Variants in PLK4 observed in about 807,000 individuals in gnomAD.
PLK4 encodes serine/threonine-protein kinase PLK4.
A neutral mutation model predicts 103.0 loss-of-function variants in PLK4; 51 were observed. The observed-to-expected ratio is 0.50, with a 90% CI of 0.40 to 0.63. The LOEUF is 0.63. Ranked by LOEUF, PLK4 falls within the 20% of genes least tolerant of loss-of-function variation. PLK4 has a pLI of 0.00. For synonymous variants in PLK4, 389 were observed against 376.8 expected, an observed-to-expected ratio of 1.03 and a Z score of -0.38; for missense variants, 1,054 against 1,151.0, an observed-to-expected ratio of 0.92 and a Z score of 1.22.
chr4:127,893,816 T>C lies in PLK4; in HGVS notation c.2497T>C (p.Ser833Pro). ...DSNYPTRERA[S>P]FNRMVMHSAA... ...AAATTACCCAACGAGAGAGAGAGCA[T>C]CTTTCAACAGAATGGTCATGCATAG... Residue 833 changes from serine (S) to proline (P), a missense_variant, in exon 13 of 16, where the codon TCT becomes CCT. By Grantham distance (74) the Ser-to-Pro change is moderately conservative (BLOSUM62 -1). Transcript: ENST00000270861. 1 of 1,613,200 alleles carries C rather than the reference T, an allele frequency of 6.2e-7. No homozygotes were observed. The highest frequency in any genetic ancestry group is 1.1e-5 in the South Asian group (1 of 91,048).
intron 6 of PLK4, among the ~76,000 whole-genome samples, chr4:127,888,008 C>T (rs1019971912): frequency 6.6e-6 from 1 of 150,522 alleles, no homozygotes; most frequent in Non-Finnish European, 1.5e-5. Flanking sequence ...GGTGAAACCC[C>T]GTCTCTACTA....
In PLK4 at chr4:127,890,174, A is replaced by G. The variant is rs1209090179; in HGVS notation, c.1768A>G (p.Ile590Val). The G allele has an allele frequency of 1.9e-6, 3 of 1,613,666 alleles. No homozygotes were observed. Among genetic ancestry groups the G allele is most frequent in the Middle Eastern group, 1.6e-4 (1 of 6,080 alleles). The change falls in exon 7 of 16, where the codon ATT (isoleucine) becomes GTT (valine). Residue 590 changes from isoleucine (I) to valine (V), a missense_variant. Coordinates refer to ENST00000270861, the MANE Select transcript of PLK4 (RefSeq NM_014264.5). ...WGYQNRTLRSITSPLVAHRLK... is the reference protein window; with the variant it reads ...WGYQNRTLRSVTSPLVAHRLK... ...TTATCAGAATCGTACATTAAGAAGC[A>G]TTACATCTCCGTTGGTTGCTCACAG...
Position 127,891,559 on chromosome 4 carries a change from T to A in PLK4, c.1936-20T>A. 1 of 1,210,302 alleles carries A rather than the reference T, an allele frequency of 8.3e-7. No homozygotes were observed. The highest frequency in any genetic ancestry group is 1.2e-6 in the Non-Finnish European group (1 of 858,382). The allele number at this position is 1,210,302 out of a possible 1,614,324, so 75.0% of individuals were successfully genotyped here. ...AACTTAATGGCATGTAATTAGAATT[T>A]TAAAAAAATCTTTTGGCAGATCACT... On this transcript the variant is annotated intron_variant, in intron 8 of 15. Transcript: ENST00000270861.
At chr4:127,895,165 A>T (rs191408673) in intron 14 of PLK4, 72 bp downstream of exon 14, 1 of 990,126 alleles carries the variant, frequency 1.0e-6, no homozygotes, top group Non-Finnish European at 1.4e-6. Flanking sequence ...TAAGACAATT[A>T]CCAAAAAATA....
Position 127,898,598 on chromosome 4 carries a change from G to A in PLK4, c.*57G>A, listed in dbSNP as rs1560704013. 4 of 828,440 alleles carry A rather than the reference G, an allele frequency of 4.8e-6. No individual in the cohort carries two copies. The East Asian group carries it at 1.0e-4, about 21-fold the overall frequency. The allele number at this position is 828,440 out of a possible 1,614,324, so 51.3% of individuals were successfully genotyped here. A position where few individuals can be genotyped will look rare whatever the true frequency, so the allele number is the denominator to read the frequency against. On this transcript the variant is annotated 3_prime_UTR_variant, in exon 16 of 16. Transcript: ENST00000270861. ...AAATAACTTTTTTGTTGACTTTCAA[G>A]TAAAGTGATTTTTTTTAATTTAACA...
At chr4:127,884,790 A>T (rs1173659812) in intron 4 of PLK4, among the ~76,000 whole-genome samples, 1 of 151,962 alleles carries the variant, frequency 6.6e-6, no homozygotes, top group African/African-American at 2.4e-5. Flanking sequence ...TACAAAAAAA[A>T]TTAGCTCGGT....
chr4:127,891,881 T>C, intron 9 of PLK4, 200 bp downstream of exon 9: 1 of 314,004 alleles, frequency 3.2e-6, no homozygotes, highest in Non-Finnish European at 5.7e-6. Context: ...ATAATGGTAC[T>C]ATATTCTATT....
chr4:127,894,979 T>C lies in PLK4; in HGVS notation c.2589T>C (p.Leu863=). 6.2e-7 allele frequency: 1 copy of C among 1,605,556 alleles called. No individual in the cohort carries two copies. ...PSMVTNEGLG[L]TTTASGTDIS... ...TGGTTACAAATGAAGGACTTGGTCT[T>C]ACAACTACAGCTTCTGGAACAGACA... Residue 863 remains leucine, a synonymous_variant, in exon 14 of 16, where the codon CTT becomes CTC. Transcript: ENST00000270861.
At chr4:127,882,379 G>A (rs1013800565) in intron 2 of PLK4, among the ~76,000 whole-genome samples, 3 of 152,122 alleles carry the variant, frequency 2.0e-5, no homozygotes, top group Non-Finnish European at 4.4e-5. Context: ...CAACGCTTTG[G>A]GAGGCTGAGG....
At position 127,886,439 on chromosome 4, in the gene PLK4, A is replaced by C. The variant is rs753018035; in HGVS notation, c.1069A>C (p.Arg357=). 2.0e-5 allele frequency: 32 copies of C among 1,613,982 alleles called. No individual in the cohort carries two copies. In the South Asian group the frequency reaches 3.4e-4, roughly 17 times the overall value. The part of the protein sequence containing the change: ...WGNQETSNSG[R]GRVIQDAEER... ...AAATCAAGAAACCAGTAATAGTGGA[A>C]GGGGAAGAGTAATTCAAGATGCAGA... The change falls in exon 5 of 16, where the codon AGG becomes CGG. Residue 357 remains arginine, a synonymous_variant. Transcript: ENST00000270861.
Position 127,893,714 on chromosome 4 carries a change from T to C in PLK4, c.2415-20T>C. 1 of 1,602,572 alleles carries C rather than the reference T, an allele frequency of 6.2e-7. No individual in the cohort carries two copies. The highest frequency in any genetic ancestry group is 8.5e-7 in the Non-Finnish European group (1 of 1,172,750). On this transcript the variant is annotated intron_variant, in intron 12 of 15. Transcript: ENST00000270861. ...AAATTGAAAGCTTCAAGGGAATATA[T>C]TTGGACTTTTCCCCTTCAGAAAACC...
intron 6 of PLK4, among the ~76,000 whole-genome samples, chr4:127,888,177 C>CA (rs58491426): frequency 0.087 from 2,903 of 33,210 alleles, 1,111 homozygotes; most frequent in Non-Finnish European, 0.1. Flanking sequence ...TAGACTGTCT[C>CA]AAAAAAAAAA....
chr4:127,880,944 C>T lies in PLK4; in HGVS notation c.-191C>T. ...CGGCGGGAGATTTTCAAAATGGGAG[C>T]CCAGAGGCACCGCCCAGGCCTCGGA... is the stretch of plus-strand genomic sequence containing the variant. On this transcript the variant is annotated 5_prime_UTR_variant, in exon 1 of 16. Coordinates refer to ENST00000270861, the MANE Select transcript of PLK4 (RefSeq NM_014264.5). The T allele has an allele frequency of 1.6e-6, 1 of 613,974 alleles. No homozygotes were observed. The highest frequency in any genetic ancestry group is 2.8e-6 in the Non-Finnish European group (1 of 350,908). 38.0% of individuals were successfully genotyped at this position (613,974 alleles called of 1,614,324 possible). A position where few individuals can be genotyped will look rare whatever the true frequency, so the allele number is the denominator to read the frequency against.
At chr4:127,895,247 T>A (rs183895254) in intron 14 of PLK4, among the ~76,000 whole-genome samples, 154 bp downstream of exon 14, 359 of 152,248 alleles carry the variant, frequency 2.4e-3, no homozygotes, top group Non-Finnish European at 4.0e-3. Context: ...TCATTAAAAA[T>A]TTTAACTTCT....
intron 10 of PLK4, 196 bp from the exon 11 acceptor site, chr4:127,893,089 A>G (rs1735424820): frequency 2.3e-6 from 1 of 426,916 alleles, no homozygotes; most frequent in Non-Finnish European, 4.1e-6. Flanking sequence ...GGCTTAAACC[A>G]GATATATGTT....
chr4:127,892,776 G>A, intron 10 of PLK4: 1 of 270,642 alleles, frequency 3.7e-6, no homozygotes, highest in South Asian at 7.2e-5. Context: ...CTAGGCTGAT[G>A]GTATAAAAAT....
intron 10 of PLK4, 89 bp downstream of exon 10, chr4:127,892,603 A>G (rs1735404357): frequency 2.1e-6 from 2 of 971,636 alleles, no homozygotes; most frequent in African/African-American, 1.6e-5. Flanking sequence ...CAACACAGTC[A>G]GTTTTAAAGA....
At chr4:127,885,602 A>C in intron 4 of PLK4, 106 bp from the exon 5 acceptor site, 1 of 836,326 alleles carries the variant, frequency 1.2e-6, no homozygotes, top group Non-Finnish European at 1.9e-6. Flanking sequence ...GTTCTACTAC[A>C]GTGCTCTAGA....
intron 7 of PLK4, 104 bp downstream of exon 7, chr4:127,890,340 T>C: frequency 1.2e-6 from 1 of 811,156 alleles, no homozygotes; most frequent in Non-Finnish European, 1.9e-6. Flanking sequence ...TACTTTGGGG[T>C]GTATACATGA....
Sources: allele counts gnomAD v4.1 joint callset (sites outside exome capture counted in the v4.1 genomes callset), GRCh38; gene constraint gnomAD v4.1.1; transcripts MANE v1.5; gene names NCBI Gene and HGNC (gene_info 2026-07-23, HGNC 2026-07-21).